CTNNA3: variants seen among roughly 807,000 people sequenced by gnomAD.
The protein encoded by CTNNA3 is catenin alpha 3, also known as catenin alpha-3.
Under a neutral mutation model 95.7 loss-of-function variants are expected in CTNNA3, and 76 were observed. The ratio of observed to expected loss-of-function variants is 0.79; its 90% CI spans 0.66 to 0.96. The LOEUF (loss-of-function observed/expected upper bound fraction) is 0.96, where lower values mean the gene tolerates loss of function less well. Among genes scored for constraint, CTNNA3 ranks in the 40% least tolerant of loss-of-function variants. The pLI is 0.00. For missense variants in CTNNA3, 1,191 were observed against 1,089.8 expected (o/e 1.09, Z -1.31); for synonymous variants, 431 against 374.4 (o/e 1.15, Z -1.74).
chr10:66,178,319 A>G (rs944961388), intron 13 of CTNNA3, among the ~76,000 whole-genome samples: 1 of 149,052 alleles, frequency 6.7e-6, no homozygotes, highest in Non-Finnish European at 1.5e-5. Flanking sequence ...TGTATATATT[A>G]CAGACACATA....
chr10:66,298,685 C>G (rs571721269), intron 12 of CTNNA3, among the ~76,000 whole-genome samples: 4 of 152,186 alleles, frequency 2.6e-5, no homozygotes, highest in East Asian at 3.9e-4. Context: ...TTCTCCTTCC[C>G]CATAGTATCT....
intron 13 of CTNNA3, among the ~76,000 whole-genome samples, chr10:66,162,578 C>T (rs574153766): frequency 2.5e-4 from 38 of 152,072 alleles, no homozygotes; most frequent in Non-Finnish European, 4.4e-4. Flanking sequence ...TTCTCTCAGC[C>T]GTGGATACCA....
chr10:66,221,675 A>T (rs939429869), intron 13 of CTNNA3, among the ~76,000 whole-genome samples: 3 of 152,252 alleles, frequency 2.0e-5, no homozygotes, highest in African/African-American at 7.2e-5. Context: ...CTTCCATTTA[A>T]CAATGACAAG....
chr10:67,662,718 G>T (rs552368372), intron 1 of CTNNA3, among the ~76,000 whole-genome samples: 1 of 152,218 alleles, frequency 6.6e-6, no homozygotes, highest in Non-Finnish European at 1.5e-5. Flanking sequence ...TCAGTTGACT[G>T]CAGAAGGGCA....
At chr10:67,452,104 A>AAGGAAGGAAGGAAGGG (rs1847011488) in intron 5 of CTNNA3, among the ~76,000 whole-genome samples, 1 of 150,248 alleles carries the variant, frequency 6.7e-6, no homozygotes, top group African/African-American at 2.5e-5. Context: ...GGAAGGAAGG[A>AAGGAAGGAAGGAAGGG]GTAGGGAGAA....
At chr10:67,454,563 T>C (rs1199488807) in intron 5 of CTNNA3, among the ~76,000 whole-genome samples, 3 of 152,078 alleles carry the variant, frequency 2.0e-5, no homozygotes, top group African/African-American at 7.2e-5. Context: ...TGGGGGAAAA[T>C]GCTGGCCTCG....
chr10:67,340,113 A>G (rs1050974043), intron 5 of CTNNA3, among the ~76,000 whole-genome samples: 2 of 152,206 alleles, frequency 1.3e-5, no homozygotes, highest in African/African-American at 4.8e-5. Context: ...AGTATGAGAT[A>G]TAGAAAAGAA....
intron 7 of CTNNA3, among the ~76,000 whole-genome samples, chr10:67,078,710 G>A (rs1304086303): frequency 6.6e-6 from 1 of 151,994 alleles, no homozygotes; most frequent in Non-Finnish European, 1.5e-5. Context: ...TAGACATGGG[G>A]TTTCACCATG....
intron 7 of CTNNA3, among the ~76,000 whole-genome samples, chr10:67,074,967 A>G (rs1856672009): frequency 6.6e-6 from 1 of 152,172 alleles, no homozygotes; most frequent in South Asian, 2.1e-4. Context: ...TTGCATATTA[A>G]GCAATATCTG....
intron 17 of CTNNA3, among the ~76,000 whole-genome samples, chr10:65,955,158 G>A (rs573130392): frequency 3.8e-4 from 58 of 152,276 alleles, no homozygotes; most frequent in Non-Finnish European, 7.6e-4. Context: ...AATTGTGAAT[G>A]GGAGTTCACT....
At chr10:67,467,460 T>A (rs1054378785) in intron 5 of CTNNA3, among the ~76,000 whole-genome samples, 1 of 149,636 alleles carries the variant, frequency 6.7e-6, no homozygotes, top group Non-Finnish European at 1.5e-5. Context: ...GCCATTCAAA[T>A]ATTGCTTTTT....
intron 15 of CTNNA3, among the ~76,000 whole-genome samples, chr10:66,023,346 A>G (rs1353047615): frequency 1.3e-5 from 2 of 152,128 alleles, no homozygotes; most frequent in South Asian, 4.1e-4. Context: ...GAAAGTTTTG[A>G]ACTTGTTACT....
rs867507205 is a variant in CTNNA3 at position 67,038,740 on chromosome 10, T to C, written c.1047+141577A>G. 3.3e-5 allele frequency among the ~76,000 whole-genome samples: 5 copies of C among 152,220 alleles called. No individual in the cohort carries two copies. In the South Asian group the frequency reaches 6.2e-4, roughly 19 times the overall value. ...CAGTCCAAAATCATTAGTCAGGTCA[T>C]TGGCAGAACCAGGAGTTCAATATGA... On this transcript the variant is annotated intron_variant, in intron 7 of 17. Transcript: ENST00000433211.
chr10:66,219,978 C>T (rs1205624217), intron 13 of CTNNA3, among the ~76,000 whole-genome samples: 2 of 151,996 alleles, frequency 1.3e-5, no homozygotes, highest in African/African-American at 4.8e-5. Context: ...CAAAAATTAG[C>T]TGGGCATGGT....
chr10:67,376,894 C>T (rs541926053), intron 5 of CTNNA3, among the ~76,000 whole-genome samples: 4 of 152,240 alleles, frequency 2.6e-5, no homozygotes, highest in South Asian at 4.1e-4. Flanking sequence ...AGCCTTGATA[C>T]GAGAAAGTCA....
chr10:67,189,146 A>ACAAC (rs1554941562), intron 6 of CTNNA3, among the ~76,000 whole-genome samples: 39 of 151,128 alleles, frequency 2.6e-4, no homozygotes, highest in African/African-American at 8.0e-4. Context: ...CAACAACAAA[A>ACAAC]AAAAAAACAG....
chr10:66,568,137 G>T (rs1047495477), intron 10 of CTNNA3, among the ~76,000 whole-genome samples: 1 of 152,134 alleles, frequency 6.6e-6, no homozygotes, highest in Non-Finnish European at 1.5e-5. Context: ...ACAAAAGAGA[G>T]CATAAAGAAG....
intron 9 of CTNNA3, among the ~76,000 whole-genome samples, chr10:66,698,143 G>A (rs1223590352): frequency 6.6e-6 from 1 of 152,178 alleles, no homozygotes; most frequent in Non-Finnish European, 1.5e-5. Flanking sequence ...CTCAGTAAAT[G>A]TAAACATTCC....
chr10:66,617,385 G>A (rs541880922), intron 10 of CTNNA3, among the ~76,000 whole-genome samples: 55 of 152,124 alleles, frequency 3.6e-4, no homozygotes, highest in Middle Eastern at 3.4e-3. Flanking sequence ...GCTTCATCCT[G>A]GGATGCAAGG....
Sources: gnomAD v4.1 joint callset for allele counts (sites outside exome capture counted in the v4.1 genomes callset) on GRCh38, gnomAD v4.1.1 for gene constraint, MANE v1.5 for transcripts, NCBI Gene and HGNC (gene_info 2026-07-23, HGNC 2026-07-21) for gene names.